Variants in CPLX2 observed in about 807,000 individuals in gnomAD.
CPLX2 encodes the protein complexin 2.
In CPLX2, 5 loss-of-function variants were observed where a neutral mutation model predicts 16.3. The ratio of observed to expected loss-of-function variants is 0.31; its 90% CI spans 0.16 to 0.64. The LOEUF is 0.64. Ranked by LOEUF, CPLX2 falls within the 30% of genes least tolerant of loss-of-function variation. The pLI is 0.79. For missense variants in CPLX2, 144 were observed against 181.4 expected, an observed-to-expected ratio of 0.79 and a Z score of 1.18; for synonymous variants, 89 against 73.2, an observed-to-expected ratio of 1.22 and a Z score of -1.10.
chr5:175,809,733 T>C lies in CPLX2; in HGVS notation c.-89+665T>C, dbSNP rs1035620703. ...CTCGGATCACACCCGGCATCCCTCA[T>C]CCACATCGCCTCTTCCCCACCACCC... On this transcript the variant is annotated intron_variant, in intron 2 of 4. Coordinates refer to the CPLX2 transcript ENST00000359546. The surrounding 1 kb of genome is among the most constrained non-coding windows in gnomAD (Gnocchi z 4.4). Among the ~76,000 whole-genome samples the C allele has an allele frequency of 2.0e-5, 3 of 152,200 alleles. No homozygotes were observed. The highest frequency in any genetic ancestry group is 7.2e-5 in the African/African-American group (3 of 41,554).
intron 1 of CPLX2, 64 bp from the exon 2 acceptor site, chr5:175,878,588 C>T (rs3892909): frequency 0.64 from 521,840 of 820,640 alleles, 169,905 homozygotes; most frequent in East Asian, 0.92. Context: ...CTGCTGTCTG[C>T]CTAGCTCCCC....
At chr5:175,867,555 G>C (rs1299588215), upstream of CPLX2, among the ~76,000 whole-genome samples, 1 of 152,046 alleles carries the variant, frequency 6.6e-6, no homozygotes, top group Non-Finnish European at 1.5e-5. Context: ...TGGTACTCTT[G>C]CCTTACAGCC....
At chr5:175,855,973 A>C (rs1188449393) in intron 2 of CPLX2, among the ~76,000 whole-genome samples, 1 of 152,188 alleles carries the variant, frequency 6.6e-6, no homozygotes, top group Non-Finnish European at 1.5e-5. Flanking sequence ...GACCATGGAC[A>C]GTGCAGAATA....
chr5:175,851,070 T>C (rs1379494903), intron 2 of CPLX2, among the ~76,000 whole-genome samples: 1 of 151,280 alleles, frequency 6.6e-6, no homozygotes, highest in Non-Finnish European at 1.5e-5. Flanking sequence ...CTGCCTGAGG[T>C]GGTTCTGGTG....
intron 2 of CPLX2, among the ~76,000 whole-genome samples, chr5:175,862,651 G>A (rs1277963297): frequency 6.6e-6 from 1 of 152,234 alleles, no homozygotes; most frequent in Non-Finnish European, 1.5e-5. Context: ...GAAGGCAATG[G>A]GAAGGCATTA....
upstream of CPLX2, among the ~76,000 whole-genome samples, chr5:175,868,199 C>T (rs1193805590): frequency 6.6e-6 from 1 of 152,218 alleles, no homozygotes; most frequent in Non-Finnish European, 1.5e-5. Context: ...CCCCTCACCT[C>T]CCACATGGCA....
At chr5:175,799,632 C>T (rs1324232562) in intron 1 of CPLX2, among the ~76,000 whole-genome samples, 2 of 146,818 alleles carry the variant, frequency 1.4e-5, no homozygotes, top group South Asian at 2.3e-4. Context: ...CCTCCCTCCT[C>T]AGCCTCCCAA....
chr5:175,871,476 A>AGG, upstream of CPLX2: 1 of 148,278 alleles, frequency 6.7e-6, no homozygotes, highest in East Asian at 2.0e-4. Flanking sequence ...AGAGAGAGAG[A>AGG]GAGAGAGAGA....
chr5:175,879,477 A>G (rs1449339805), intron 3 of CPLX2, among the ~76,000 whole-genome samples: 1 of 152,232 alleles, frequency 6.6e-6, no homozygotes, highest in Non-Finnish European at 1.5e-5. Context: ...AGTCCAGTGC[A>G]TGTCTGTTAG....
At chr5:175,865,081 T>TGC (rs10586362) in intron 2 of CPLX2, among the ~76,000 whole-genome samples, 7 of 147,816 alleles carry the variant, frequency 4.7e-5, no homozygotes, top group South Asian at 2.1e-4. Context: ...TGCACGCATG[T>TGC]GCGCGCGCGC....
Position 175,878,721 on chromosome 5 carries a change from G to C in CPLX2, c.-19G>C. On this transcript the variant is annotated 5_prime_UTR_variant, in exon 2 of 4. Coordinates refer to ENST00000393745, the MANE Select transcript of CPLX2 (RefSeq NM_001008220.2). ...CAAATTCTGCCGTGGGCTAAGGCAC[G>C]CTAACCAGAGCCGGCGGCATGGACT... 2 of 1,612,708 alleles carry C rather than the reference G, an allele frequency of 1.2e-6. No homozygotes were observed. The highest frequency in any genetic ancestry group is 2.2e-5 in the South Asian group (2 of 90,460).
intron 1 of CPLX2, among the ~76,000 whole-genome samples, chr5:175,806,698 C>A (rs919068933): frequency 6.0e-5 from 9 of 151,248 alleles, no homozygotes; most frequent in African/African-American, 9.7e-5. Context: ...GGGGTTTCTC[C>A]ATGTTGGTCA....
intron 2 of CPLX2, among the ~76,000 whole-genome samples, chr5:175,860,437 A>AAGGAAGG (rs201683186): frequency 1.5e-5 from 2 of 130,384 alleles, no homozygotes; most frequent in African/African-American, 6.5e-5. Flanking sequence ...AGGAAGGAAG[A>AAGGAAGG]AAGAGAAAGA....
At chr5:175,860,505 AG>A (rs1759345536) in intron 2 of CPLX2, among the ~76,000 whole-genome samples, 1 of 22,748 alleles carries the variant, frequency 4.4e-5, no homozygotes, top group African/African-American at 1.9e-4. Flanking sequence ...AAGAAAAGAA[AG>A]AAAGAAAGAA....
At chr5:175,862,462 C>T (rs1351031929) in intron 2 of CPLX2, among the ~76,000 whole-genome samples, 2 of 152,134 alleles carry the variant, frequency 1.3e-5, no homozygotes, top group East Asian at 3.9e-4. Flanking sequence ...GGCATTCCAC[C>T]CAGAGCAAAC....
At position 175,882,153 on chromosome 5, in the gene CPLX2, C is replaced by T. The variant is rs1290779054; in HGVS notation, c.*2108C>T. ...CCACCTTGTGCCCCTGTGTCCAGCC[C>T]CCCAGGGGGCCTGTGTCTGTGTCTG... On this transcript the variant is annotated 3_prime_UTR_variant, in exon 4 of 4. Coordinates refer to ENST00000393745, the MANE Select transcript of CPLX2 (RefSeq NM_001008220.2). 2 of 152,670 alleles carry T rather than the reference C, an allele frequency of 1.3e-5. No homozygotes were observed. The highest frequency in any genetic ancestry group is 2.9e-5 in the Non-Finnish European group (2 of 68,140). 9.5% of individuals were successfully genotyped at this position (152,670 alleles called of 1,614,324 possible).
intron 2 of CPLX2, among the ~76,000 whole-genome samples, chr5:175,860,496 A>G (rs547357831): frequency 4.1e-3 from 300 of 72,378 alleles, no homozygotes; most frequent in Non-Finnish European, 6.0e-3. Context: ...AAAGAAAGAA[A>G]GAAAAGAAAG....
rs1020278798 is a variant in CPLX2, at chr5:175,807,609, G to A, written c.-168-1380G>A. On this transcript the variant is annotated intron_variant, in intron 1 of 4. Transcript: ENST00000359546. ...AATTCAAATATTGTCAGCTCCCTGA[G>A]AGCAGGGATCATGCCTGCCCTTTTC... Among the ~76,000 whole-genome samples, 7 of 152,236 alleles carry A rather than the reference G, an allele frequency of 4.6e-5. No homozygotes were observed. In the East Asian group the frequency reaches 1.2e-3, roughly 25 times the overall value.
At chr5:175,835,634 C>A (rs1417310620) in intron 2 of CPLX2, among the ~76,000 whole-genome samples, 1 of 149,886 alleles carries the variant, frequency 6.7e-6, no homozygotes, top group Non-Finnish European at 1.5e-5. Flanking sequence ...GTGCTGAAAT[C>A]AAAGTTTTTG....
Sources: gnomAD v4.1 joint callset for allele counts (sites outside exome capture counted in the v4.1 genomes callset) on GRCh38, gnomAD v4.1.1 for gene constraint, Gnocchi (gnomAD v3.1) non-coding constraint, MANE v1.5 for transcripts, NCBI Gene and HGNC (gene_info 2026-07-23, HGNC 2026-07-21) for gene names.